Variants in ATG10 observed in about 807,000 individuals in gnomAD.
ATG10 encodes the protein ubiquitin-like-conjugating enzyme ATG10.
Under a neutral mutation model 32.1 loss-of-function variants are expected in ATG10, and 30 were observed. The observed-to-expected ratio is 0.94, with a 90% CI of 0.70 to 1.27. ATG10 has a LOEUF of 1.27. ATG10 is among the 50% of genes most tolerant of loss of function. The pLI is 0.00. For missense variants in ATG10, 233 were observed against 262.3 expected (o/e 0.89, Z 0.77); for synonymous variants, 87 against 91.5 (o/e 0.95, Z 0.28).
intron 2 of ATG10, among the ~76,000 whole-genome samples, chr5:81,993,161 A>G (rs1159714918): frequency 6.6e-6 from 1 of 152,156 alleles, no homozygotes; most frequent in Admixed American, 6.5e-5. Flanking sequence ...TTTTGGACAT[A>G]CTACTTAATG....
intron 5 of ATG10, among the ~76,000 whole-genome samples, chr5:82,207,354 C>A (rs1561357563): frequency 6.6e-6 from 1 of 152,142 alleles, no homozygotes; most frequent in Non-Finnish European, 1.5e-5. Flanking sequence ...TTTAGCCCTA[C>A]TGGTGGATGC....
chr5:82,096,965 C>A (rs1002007131), intron 3 of ATG10, among the ~76,000 whole-genome samples: 4 of 151,928 alleles, frequency 2.6e-5, no homozygotes, highest in African/African-American at 9.7e-5. Flanking sequence ...TCTCAGTTAC[C>A]TCAAGGTTAA....
At chr5:82,118,111 G>C (rs1765880061) in intron 3 of ATG10, among the ~76,000 whole-genome samples, 1 of 151,660 alleles carries the variant, frequency 6.6e-6, no homozygotes. Context: ...GGAGCTAATT[G>C]GAAATTGATG....
At chr5:82,101,930 C>G (rs1218742462) in intron 3 of ATG10, among the ~76,000 whole-genome samples, 1 of 152,158 alleles carries the variant, frequency 6.6e-6, no homozygotes, top group Non-Finnish European at 1.5e-5. Flanking sequence ...AAAGTGAACA[C>G]TTAGTACACA....
intron 3 of ATG10, among the ~76,000 whole-genome samples, chr5:82,123,498 A>G (rs1261152157): frequency 1.3e-5 from 2 of 151,620 alleles, no homozygotes; most frequent in East Asian, 1.9e-4. Flanking sequence ...AAAACTTCAC[A>G]TGTATCCCTA....
intron 3 of ATG10, among the ~76,000 whole-genome samples, chr5:82,099,533 AG>A (rs1295334166): frequency 6.6e-6 from 1 of 152,134 alleles, no homozygotes; most frequent in Non-Finnish European, 1.5e-5. Context: ...GTGACAATGA[AG>A]GTAATATCCA....
chr5:81,976,415 A>G (rs1192821675), intron 1 of ATG10: 2 of 152,196 alleles, frequency 1.3e-5, no homozygotes, highest in Non-Finnish European at 2.9e-5. Flanking sequence ...CCTGTGTTAA[A>G]ATAATTAATT....
rs572807773 is a variant in ATG10 at position 82,192,538 on chromosome 5, C to G, written c.453+13951C>G. Among the ~76,000 whole-genome samples, 3 of 152,116 alleles carry G rather than the reference C, an allele frequency of 2.0e-5. 1 individual carries two copies. The highest frequency in any genetic ancestry group is 7.2e-5 in the African/African-American group (3 of 41,500). On this transcript the variant is annotated intron_variant, in intron 5 of 7. Transcript: ENST00000282185. The stretch of plus-strand genomic sequence containing the variant: ...TTCTTCTACTTATTAGCAGTGTGAC[C>G]GAGGACAGTTATTAGGCGTTTCACC...
intron 2 of ATG10, among the ~76,000 whole-genome samples, chr5:82,030,979 C>CA (rs58925921): frequency 0.51 from 77,830 of 151,904 alleles, 20,592 homozygotes; most frequent in African/African-American, 0.62. Context: ...GTTTACCTCA[C>CA]AATCATTATT....
intron 3 of ATG10, among the ~76,000 whole-genome samples, chr5:82,066,335 A>G (rs563202594): frequency 6.6e-6 from 1 of 152,268 alleles, no homozygotes; most frequent in East Asian, 1.9e-4. Context: ...CGATTACTGT[A>G]GTTCCTCATC....
At chr5:82,113,457 G>A (rs890859177) in intron 3 of ATG10, among the ~76,000 whole-genome samples, 1 of 151,850 alleles carries the variant, frequency 6.6e-6, no homozygotes, top group African/African-American at 2.4e-5. Flanking sequence ...TGTTCATCCT[G>A]TTAATAAAAT....
At chr5:82,016,017 A>G (rs1318095945) in intron 2 of ATG10, among the ~76,000 whole-genome samples, 3 of 151,684 alleles carry the variant, frequency 2.0e-5, no homozygotes, top group Non-Finnish European at 4.4e-5. Flanking sequence ...GATTGTGAAG[A>G]TTTTCTCCCA....
chr5:81,986,442 C>T (rs1650590322), intron 1 of ATG10, among the ~76,000 whole-genome samples: 3 of 152,158 alleles, frequency 2.0e-5, no homozygotes, highest in African/African-American at 7.2e-5. Context: ...TGAGCTCTTA[C>T]AAGGCAAGGA....
At chr5:82,107,495 CAA>C (rs1174642255) in intron 3 of ATG10, among the ~76,000 whole-genome samples, 1 of 152,064 alleles carries the variant, frequency 6.6e-6, no homozygotes, top group Non-Finnish European at 1.5e-5. Context: ...GAGCACCAAA[CAA>C]TATTTTTGTT....
At chr5:82,097,605 G>A (rs913323841) in intron 3 of ATG10, among the ~76,000 whole-genome samples, 1 of 151,990 alleles carries the variant, frequency 6.6e-6, no homozygotes, top group African/African-American at 2.4e-5. Context: ...TTGTATTATA[G>A]GTATTAAAAG....
chr5:82,024,339 A>G (rs561103581), intron 2 of ATG10, among the ~76,000 whole-genome samples: 9 of 152,342 alleles, frequency 5.9e-5, no homozygotes, highest in Non-Finnish European at 1.2e-4. Flanking sequence ...CTAAGGCAGC[A>G]TTACTCAAAG....
chr5:82,047,393 T>C (rs1763264912), intron 2 of ATG10, among the ~76,000 whole-genome samples: 1 of 152,206 alleles, frequency 6.6e-6, no homozygotes, highest in Admixed American at 6.5e-5. Context: ...ATTGTGGAGA[T>C]AACTGTTAAA....
chr5:82,180,357 A>T (rs1744184615), intron 5 of ATG10, among the ~76,000 whole-genome samples: 1 of 152,098 alleles, frequency 6.6e-6, no homozygotes, highest in Admixed American at 6.6e-5. Context: ...CTGTCCTCTC[A>T]TACATTCCCT....
rs1763673478 is a variant in ATG10, at chr5:82,058,561, C to T, written c.175C>T (p.Leu59=). Residue 59 remains leucine (L), a synonymous_variant, in exon 3 of 8, where the codon CTA becomes TTA. Transcript: ENST00000282185. ...QIKNGSVMSH[L]GASTHGQTCL... The stretch of plus-strand genomic sequence containing the variant: ...TAAGAATGGGTCTGTGATGTCACAT[C>T]TAGGAGCATCTACCCATGGACAGAC... The T allele has an allele frequency of 6.2e-7, 1 of 1,613,112 alleles. No homozygotes were observed. The highest frequency in any genetic ancestry group is 8.5e-7 in the Non-Finnish European group (1 of 1,179,266).
Sources: allele counts gnomAD v4.1 joint callset (sites outside exome capture counted in the v4.1 genomes callset), GRCh38; gene constraint gnomAD v4.1.1; transcripts MANE v1.5; gene names NCBI Gene and HGNC (gene_info 2026-07-23, HGNC 2026-07-21).